Variants in NPAS3 observed in about 807,000 individuals in gnomAD.
NPAS3 encodes the protein neuronal PAS domain-containing protein 3.
A neutral mutation model predicts 73.1 loss-of-function variants in NPAS3; 14 were observed. The observed-to-expected ratio is 0.19, with a 90% CI of 0.13 to 0.30. The LOEUF (loss-of-function observed/expected upper bound fraction) is 0.30, where lower values mean the gene tolerates loss of function less well. Among genes scored for constraint, NPAS3 ranks in the 10% least tolerant of loss-of-function variants. The pLI, the probability that NPAS3 is intolerant of heterozygous loss-of-function variation, is 1.00. For synonymous variants in NPAS3, 620 were observed against 541.5 expected (o/e 1.14, Z -2.01); for missense variants, 1,096 against 1,250.0 (o/e 0.88, Z 1.86).
At chr14:33,340,514 T>G (rs2044425482) in intron 3 of NPAS3, among the ~76,000 whole-genome samples, 1 of 152,228 alleles carries the variant, frequency 6.6e-6, no homozygotes, top group Non-Finnish European at 1.5e-5. Context: ...AAATTTCCTT[T>G]AATTTTGTGT....
At chr14:33,567,016 T>A in intron 5 of NPAS3, among the ~76,000 whole-genome samples, 1 of 152,220 alleles carries the variant, frequency 6.6e-6, no homozygotes, top group East Asian at 1.9e-4. Flanking sequence ...CACAGGGTAA[T>A]AATCGACAAT....
At chr14:33,289,678 C>T (rs370065962) in intron 3 of NPAS3, among the ~76,000 whole-genome samples, 5 of 151,880 alleles carry the variant, frequency 3.3e-5, no homozygotes, top group South Asian at 2.1e-4. Flanking sequence ...AAAAATTAGC[C>T]GGGCATGATG....
rs1033109141 is a variant in NPAS3, at chr14:33,433,945, C to T, written c.468+66677C>T. On this transcript the variant is annotated intron_variant, in intron 4 of 11. Coordinates refer to ENST00000356141, the Ensembl canonical transcript of NPAS3. ...GTGGCTCACGCCTGTAATCCCAACACTTTAGGAGGCCGAGGTGGGCGGATC... is the reference window on the plus strand; with the variant it reads ...GTGGCTCACGCCTGTAATCCCAACATTTTAGGAGGCCGAGGTGGGCGGATC... Among the ~76,000 whole-genome samples the T allele has an allele frequency of 3.3e-5, 5 of 152,154 alleles. No individual in the cohort carries two copies. In the East Asian group the frequency reaches 7.7e-4, roughly 23 times the overall value.
At chr14:33,763,263 A>G (rs2062354655) in intron 7 of NPAS3, among the ~76,000 whole-genome samples, 2 of 152,238 alleles carry the variant, frequency 1.3e-5, no homozygotes, top group Admixed American at 1.3e-4. Context: ...CGAGAGGCAT[A>G]TTGTTACCAG....
chr14:33,156,533 T>C (rs1283096021), intron 2 of NPAS3, among the ~76,000 whole-genome samples: 2 of 152,214 alleles, frequency 1.3e-5, no homozygotes, highest in African/African-American at 4.8e-5. Flanking sequence ...CCCTTAATTA[T>C]TTACAAGAAT....
chr14:33,233,492 G>A (rs986338431), intron 3 of NPAS3, among the ~76,000 whole-genome samples: 2 of 152,078 alleles, frequency 1.3e-5, no homozygotes, highest in African/African-American at 4.8e-5. Context: ...TCATTTTAAT[G>A]TCACCGTTTA....
At chr14:33,114,338 G>C (rs1383314845) in intron 2 of NPAS3, among the ~76,000 whole-genome samples, 1 of 152,040 alleles carries the variant, frequency 6.6e-6, no homozygotes, top group Admixed American at 6.6e-5. Flanking sequence ...GCCCAGCCTA[G>C]TTCCTGATTT....
At chr14:33,685,694 C>A (rs116808043) in intron 6 of NPAS3, among the ~76,000 whole-genome samples, 1,581 of 152,234 alleles carry the variant, frequency 0.01, 25 homozygotes, top group African/African-American at 0.036. Flanking sequence ...TTGTCTACTC[C>A]AAGTATAACT....
chr14:33,504,870 T>C (rs1481873864), intron 4 of NPAS3, among the ~76,000 whole-genome samples: 1 of 151,988 alleles, frequency 6.6e-6, no homozygotes, highest in Admixed American at 6.6e-5. Flanking sequence ...GAACACCCAG[T>C]AACCCAGACT....
intron 4 of NPAS3, among the ~76,000 whole-genome samples, chr14:33,515,778 A>G (rs1384968173): frequency 6.6e-6 from 1 of 152,062 alleles, no homozygotes; most frequent in African/African-American, 2.4e-5. Context: ...ACTTTTCCAG[A>G]ATTTATTGCT....
At chr14:33,664,774 G>A (rs2059405097) in intron 5 of NPAS3, among the ~76,000 whole-genome samples, 1 of 152,146 alleles carries the variant, frequency 6.6e-6, no homozygotes, top group African/African-American at 2.4e-5. Flanking sequence ...AACATCACTG[G>A]CCATCAGAGA....
At chr14:33,122,565 A>G (rs1287003918) in intron 2 of NPAS3, among the ~76,000 whole-genome samples, 1 of 152,136 alleles carries the variant, frequency 6.6e-6, no homozygotes, top group East Asian at 1.9e-4. Context: ...ATTATCAGTG[A>G]TGTTGAGCAA....
intron 4 of NPAS3, among the ~76,000 whole-genome samples, chr14:33,424,650 G>A (rs899847825): frequency 4.0e-5 from 6 of 151,678 alleles, no homozygotes; most frequent in Non-Finnish European, 5.9e-5. Context: ...AGTGATAGAC[G>A]ATGCCCACAT....
rs56325961 is a variant in NPAS3, at chr14:33,490,966, T to TGCAGCA, written c.469-69139_469-69134dup. Among the ~76,000 whole-genome samples, 38 of 152,088 alleles carry TGCAGCA rather than the reference T, an allele frequency of 2.5e-4. 2 individuals are homozygous for TGCAGCA. The highest frequency in any genetic ancestry group is 1.3e-3 in the Admixed American group (20 of 15,268). On this transcript the variant is annotated intron_variant, in intron 4 of 11. Coordinates refer to ENST00000356141, the Ensembl canonical transcript of NPAS3. ...ACAAAGCAAAAATACAATTTTTCAC[T>TGCAGCA]GCAGCAGCAGCAGCAGCAGCAACAG...
At chr14:32,941,749 G>A (rs2036025514) in intron 1 of NPAS3, among the ~76,000 whole-genome samples, 1 of 152,102 alleles carries the variant, frequency 6.6e-6, no homozygotes, top group Non-Finnish European at 1.5e-5. Context: ...GGAGAAGGAG[G>A]AGTAATAACA....
Position 33,394,498 on chromosome 14 carries a change from G to C in NPAS3, c.468+27230G>C, listed in dbSNP as rs554124372. Among the ~76,000 whole-genome samples the C allele has an allele frequency of 2.0e-5, 3 of 152,208 alleles. No individual in the cohort carries two copies. The South Asian group carries it at 6.2e-4, about 32-fold the overall frequency. On this transcript the variant is annotated intron_variant, in intron 4 of 11. Transcript: ENST00000356141. ...TTCTATAATCCCCAAAACCTGATGAGAATTTATAGCCCCTGGCTTGTCCTA... is the reference window on the plus strand; with the variant it reads ...TTCTATAATCCCCAAAACCTGATGACAATTTATAGCCCCTGGCTTGTCCTA...
chr14:33,218,975 G>A (rs558484450), intron 3 of NPAS3, among the ~76,000 whole-genome samples: 19 of 152,194 alleles, frequency 1.2e-4, no homozygotes, highest in African/African-American at 4.1e-4. Flanking sequence ...ATTACTTCAT[G>A]GAAATGATAG....
intron 2 of NPAS3, among the ~76,000 whole-genome samples, chr14:33,135,673 G>A (rs1207622881): frequency 6.6e-6 from 1 of 151,868 alleles, no homozygotes; most frequent in South Asian, 2.1e-4. Flanking sequence ...TTTCAGTGGG[G>A]GTTAAAAAAA....
intron 4 of NPAS3, among the ~76,000 whole-genome samples, chr14:33,421,052 T>C (rs900778163): frequency 2.0e-5 from 3 of 151,956 alleles, no homozygotes; most frequent in African/African-American, 7.2e-5. Context: ...TTGTTAAAAT[T>C]GAGTTCTAAG....
Sources: allele counts gnomAD v4.1 joint callset (sites outside exome capture counted in the v4.1 genomes callset), GRCh38; gene constraint gnomAD v4.1.1; transcripts MANE v1.5; gene names NCBI Gene and HGNC (gene_info 2026-07-23, HGNC 2026-07-21).